SMG6: variants seen among roughly 807,000 people sequenced by gnomAD.
The protein encoded by SMG6 is SMG6 nonsense mediated mRNA decay factor.
In SMG6, 66 loss-of-function variants were observed where a neutral mutation model predicts 142.2. The observed-to-expected ratio is 0.46, with a 90% CI of 0.38 to 0.57. SMG6 has a LOEUF of 0.57. Ranked by LOEUF, SMG6 falls within the 20% of genes least tolerant of loss-of-function variation. The probability of loss-of-function intolerance (pLI) is 0.00; values close to 1 mark genes in which losing one functional copy is unlikely to be tolerated. For missense variants in SMG6, 1,793 were observed against 1,832.0 expected (o/e 0.98, Z 0.39); for synonymous variants, 779 against 702.4 (o/e 1.11, Z -1.72).
chr17:2,292,875 G>A lies in SMG6; in HGVS notation c.2254C>T (p.Arg752Cys), dbSNP rs1279296777. 2.2e-5 allele frequency: 35 copies of A among 1,613,078 alleles called. No individual in the cohort carries two copies. The highest frequency in any genetic ancestry group is 2.8e-5 in the Non-Finnish European group (33 of 1,179,184). The change falls in exon 5 of 19, where the codon CGC becomes TGC. Residue 752 changes from arginine to cysteine, a missense_variant. Physicochemically the swap from Arg to Cys is radical, Grantham distance 180 (BLOSUM62 -3). Coordinates refer to ENST00000263073, the MANE Select transcript of SMG6 (RefSeq NM_017575.5). The stretch of plus-strand genomic sequence containing the variant: ...ACGAAGCAGAGGTAAAAGTACCTGC[G>A]TGCTTTCCCATAATTCGCTGTATCA... Reference protein sequence around the residue: ...ASDTANYGKARSWYLKAQHIA... With the variant: ...ASDTANYGKACSWYLKAQHIA...
chr17:2,063,228 A>G (rs2067836757), intron 18 of SMG6: 1 of 152,252 alleles, frequency 6.6e-6, no homozygotes, highest in Non-Finnish European at 1.5e-5. Flanking sequence ...CACAATAAAC[A>G]TCCTCTGTTT....
rs570965802 is a variant in SMG6, at chr17:2,110,536, C to A, written c.3358-24635G>T. ...CATCATTTGTGAAGCACATTTCATGCCAAATACTAAGGATCATCAACAATA... is the reference window on the plus strand; with the variant it reads ...CATCATTTGTGAAGCACATTTCATGACAAATACTAAGGATCATCAACAATA... On this transcript the variant is annotated intron_variant, in intron 13 of 18. Transcript: ENST00000263073. Among the ~76,000 whole-genome samples, 8 of 152,202 alleles carry A rather than the reference C, an allele frequency of 5.3e-5. No individual in the cohort carries two copies. The East Asian group carries it at 1.3e-3, about 26-fold the overall frequency.
At chr17:2,270,141 G>C (rs1407360983) in intron 8 of SMG6, among the ~76,000 whole-genome samples, 1 of 152,122 alleles carries the variant, frequency 6.6e-6, no homozygotes, top group African/African-American at 2.4e-5. Context: ...TATCAGCCAG[G>C]CTCTAGAGAG....
At chr17:2,278,014 C>A (rs894874673) in intron 8 of SMG6, among the ~76,000 whole-genome samples, 2 of 152,072 alleles carry the variant, frequency 1.3e-5, no homozygotes, top group Non-Finnish European at 2.9e-5. Flanking sequence ...TGCCACCGCA[C>A]CCCAGCCTGG....
chr17:2,079,972 G>A (rs768349511), intron 15 of SMG6, among the ~76,000 whole-genome samples: 11 of 152,082 alleles, frequency 7.2e-5, no homozygotes, highest in Non-Finnish European at 1.5e-4. Context: ...CTACTTGGGA[G>A]GCTGAGACAG....
intron 10 of SMG6, among the ~76,000 whole-genome samples, 185 bp downstream of exon 10, chr17:2,236,307 G>A (rs962723035): frequency 1.3e-5 from 2 of 149,722 alleles, no homozygotes; most frequent in Non-Finnish European, 3.0e-5. Context: ...CCAAGCACTA[G>A]AGAGTCATAC....
intron 13 of SMG6, among the ~76,000 whole-genome samples, chr17:2,123,093 G>C (rs1017355950): frequency 4.0e-5 from 6 of 149,710 alleles, no homozygotes; most frequent in African/African-American, 1.5e-4. Context: ...CATAACGCTG[G>C]CTGCTCCACC....
At chr17:2,189,830 CA>C (rs1256132778) in intron 10 of SMG6, among the ~76,000 whole-genome samples, 2,619 of 152,220 alleles carry the variant, frequency 0.017, 76 homozygotes, top group African/African-American at 0.06. Flanking sequence ...CAGAAGGGCC[CA>C]ACAAACGAAT....
At chr17:2,124,146 G>C (rs983524805) in intron 13 of SMG6, among the ~76,000 whole-genome samples, 1 of 152,194 alleles carries the variant, frequency 6.6e-6, no homozygotes, top group Admixed American at 6.5e-5. Context: ...GGACAGTTGG[G>C]GCACTTCTAA....
intron 6 of SMG6, among the ~76,000 whole-genome samples, chr17:2,291,334 A>G (rs2075033037): frequency 6.7e-6 from 1 of 149,388 alleles, no homozygotes; most frequent in Non-Finnish European, 1.5e-5. Context: ...CCGTCTCAGA[A>G]AAAAAAAAAA....
chr17:2,179,453 C>A (rs771846315), intron 12 of SMG6, among the ~76,000 whole-genome samples: 1 of 152,172 alleles, frequency 6.6e-6, no homozygotes, highest in African/African-American at 2.4e-5. Context: ...TTACTGCATA[C>A]GCCCTACGTA....
rs376009586 is a variant in SMG6, at chr17:2,300,050, G to A, written c.703C>T (p.Arg235Cys). 19 of 1,614,060 alleles carry A rather than the reference G, an allele frequency of 1.2e-5. No individual in the cohort carries two copies. The highest frequency in any genetic ancestry group is 8.0e-5 in the African/African-American group (6 of 74,936). ...CGCTTTGCGGAGCCCGGCCTCCCGCGGGCTGGGTCGTCGTGGGTTTCCCTC... is the reference window on the plus strand; with the variant it reads ...CGCTTTGCGGAGCCCGGCCTCCCGCAGGCTGGGTCGTCGTGGGTTTCCCTC... ...GVRETHDDPA[R>C]GRPGSAKRYS... is the part of the protein sequence containing the mutation. Residue 235 changes from arginine (R) to cysteine (C), a missense_variant, in exon 2 of 19, where the codon CGC becomes TGC. By Grantham distance (180) the Arg-to-Cys change is radical (BLOSUM62 -3). Around this residue, in one of 3 missense-constraint regions of SMG6, gnomAD observed 1,597 missense variants for 1,584.6 expected, o/e 1.01. Transcript: ENST00000263073.
At chr17:2,227,431 A>G (rs575602210) in intron 10 of SMG6, among the ~76,000 whole-genome samples, 38 of 152,342 alleles carry the variant, frequency 2.5e-4, no homozygotes, top group African/African-American at 8.7e-4. Context: ...ATAAATCTAA[A>G]AATTACTATG....
chr17:2,303,572 G>C, intron 1 of SMG6, 61 bp downstream of exon 1: 1 of 1,360,240 alleles, frequency 7.4e-7, no homozygotes, highest in Non-Finnish European at 9.4e-7. Flanking sequence ...AGGAGGCAGA[G>C]GAGGAGGAGA....
rs1442657898 is a variant in SMG6 at position 2,238,355 on chromosome 17, ACT to A, written c.2724-1720_2724-1719del. 2.0e-5 allele frequency among the ~76,000 whole-genome samples: 3 copies of A among 150,728 alleles called. No individual in the cohort carries two copies. In the East Asian group the frequency reaches 5.8e-4, roughly 29 times the overall value. ...ACCCACCCCTCCAAAACAAAACAAA[ACT>A]CTTTTTTTTTTCTCTAAAAAATTTC... On this transcript the variant is annotated intron_variant, in intron 9 of 18. Coordinates refer to ENST00000263073, the MANE Select transcript of SMG6 (RefSeq NM_017575.5).
intron 13 of SMG6, among the ~76,000 whole-genome samples, chr17:2,143,091 GA>G (rs2070540960): frequency 6.6e-6 from 1 of 152,098 alleles, no homozygotes; most frequent in Admixed American, 6.6e-5. Context: ...AAGATGTGGG[GA>G]AATTGAACCC....
chr17:2,240,484 A>G (rs558726956), intron 9 of SMG6, among the ~76,000 whole-genome samples: 95 of 53,022 alleles, frequency 1.8e-3, no homozygotes, highest in Non-Finnish European at 2.5e-3. Flanking sequence ...GGAAATGAGA[A>G]AAAAAAAAAC....
chr17:2,137,687 T>C (rs891457498), intron 13 of SMG6, among the ~76,000 whole-genome samples: 3 of 152,098 alleles, frequency 2.0e-5, no homozygotes, highest in Non-Finnish European at 4.4e-5. Context: ...GAAAGCGCCA[T>C]GGGACTAGGT....
intron 18 of SMG6, chr17:2,062,479 ATC>A (rs2067811564): frequency 1.3e-5 from 2 of 151,110 alleles, no homozygotes; most frequent in Admixed American, 6.7e-5. Flanking sequence ...TGGCACAGAT[ATC>A]TTTCATTCTT....
Sources: allele counts gnomAD v4.1 joint callset (sites outside exome capture counted in the v4.1 genomes callset), GRCh38; gene constraint gnomAD v4.1.1; regional missense constraint gnomAD v4.1.1; transcripts MANE v1.5; gene names NCBI Gene and HGNC (gene_info 2026-07-23, HGNC 2026-07-21).